The following IPMK variants were observed in gnomAD, a reference collection of about 807,000 sequenced individuals.
The protein encoded by IPMK is inositol polyphosphate multikinase, also known as inositol 1,3,4,6-tetrakisphosphate 5-kinase.
In IPMK, 17 loss-of-function variants were observed where a neutral mutation model predicts 45.8. The observed-to-expected ratio is 0.37, with a 90% CI of 0.25 to 0.56. IPMK has a LOEUF of 0.56. Among genes scored for constraint, IPMK ranks in the 20% least tolerant of loss-of-function variants. IPMK has a pLI of 0.79. For synonymous variants in IPMK, 180 were observed against 184.3 expected (o/e 0.98, Z 0.19); for missense variants, 399 against 498.0 (o/e 0.80, Z 1.89).
rs142924919 is a variant in IPMK at position 58,229,605 on chromosome 10, A to T, written c.277-2466T>A. On this transcript the variant is annotated intron_variant, in intron 2 of 5. Coordinates refer to ENST00000373935, the MANE Select transcript of IPMK (RefSeq NM_152230.5). ...AGTAATCTAAATATATTGTACTATC[A>T]CATTAACAAATAAAATAAAAATCTG... 6.0e-3 allele frequency among the ~76,000 whole-genome samples: 908 copies of T among 151,230 alleles called. 12 individuals carry two copies. Among genetic ancestry groups the T allele is most frequent in the African/African-American group, 0.021 (866 of 41,084 alleles).
chr10:58,231,208 T>C (rs1396404205), intron 2 of IPMK, among the ~76,000 whole-genome samples: 4 of 152,214 alleles, frequency 2.6e-5, no homozygotes, highest in African/African-American at 9.6e-5. Context: ...TTGACTGGTA[T>C]ACCTGGAAGC....
Position 58,196,169 on chromosome 10 carries a change from A to G in IPMK, c.1158T>C (p.Phe386=). 6.2e-7 allele frequency: 1 copy of G among 1,614,102 alleles called. No individual in the cohort carries two copies. The highest frequency in any genetic ancestry group is 2.2e-5 in the East Asian group (1 of 44,864). ...TTGTGTTGCTAGGGAACACATGAGC[A>G]AAATCTATCATTCGCACTTCTACTT... The part of the protein sequence containing the change: ...IAEVEVRMID[F]AHVFPSNTID... Residue 386 remains phenylalanine (F), a synonymous_variant, in exon 6 of 6, where the codon TTT becomes TTC. Transcript: ENST00000373935.
At chr10:58,228,199 C>T (rs888509527) in intron 2 of IPMK, among the ~76,000 whole-genome samples, 8 of 152,138 alleles carry the variant, frequency 5.3e-5, no homozygotes, top group African/African-American at 1.9e-4. Flanking sequence ...TGAGGATGAG[C>T]TAATTACAAG....
At chr10:58,259,712 T>C (rs1316341927) in intron 1 of IPMK, among the ~76,000 whole-genome samples, 1 of 129,564 alleles carries the variant, frequency 7.7e-6, no homozygotes, top group Non-Finnish European at 1.6e-5. Flanking sequence ...TGGTGGTGCA[T>C]GCCTATAGTC....
intron 4 of IPMK, among the ~76,000 whole-genome samples, chr10:58,214,076 A>T (rs1053157903): frequency 1.1e-4 from 16 of 152,348 alleles, no homozygotes; most frequent in African/African-American, 3.6e-4. Context: ...TTTTTTAAAA[A>T]ACTTGACAGT....
At chr10:58,240,006 A>G (rs1473551480) in intron 1 of IPMK, among the ~76,000 whole-genome samples, 1 of 152,234 alleles carries the variant, frequency 6.6e-6, no homozygotes, top group Non-Finnish European at 1.5e-5. Flanking sequence ...GATTCAAGAA[A>G]AAATTATGAC....
chr10:58,206,782 C>T (rs1464385017), intron 4 of IPMK, among the ~76,000 whole-genome samples: 3 of 151,990 alleles, frequency 2.0e-5, no homozygotes, highest in Non-Finnish European at 4.4e-5. Flanking sequence ...CACCTGCATC[C>T]CACCCTTCCT....
Position 58,195,866 on chromosome 10 carries a change from GTTTC to G in IPMK, c.*206_*209del, listed in dbSNP as rs1747562028. ...CACATTCCCTGCTTAACATTCCTAA[GTTTC>G]TTTATTCTTCATAGTTTTCTAATGA... On this transcript the variant is annotated 3_prime_UTR_variant, in exon 6 of 6. Transcript: ENST00000373935. 3.9e-6 allele frequency: 2 copies of G among 515,642 alleles called. No homozygotes were observed. The highest frequency in any genetic ancestry group is 6.1e-5 in the South Asian group (2 of 33,014). The allele number at this position is 515,642 out of a possible 1,614,324, so 31.9% of individuals were successfully genotyped here. A position where few individuals can be genotyped will look rare whatever the true frequency, so the allele number is the denominator to read the frequency against.
Position 58,197,326 on chromosome 10 carries a change from A to AATACATACATACATAC in IPMK, c.629-629_629-628insGTATGTATGTATGTAT, listed in dbSNP as rs1554822222. ...AAATAAATAAATAAATAAATAAATA[A>AATACATACATACATAC]ATACATAAATACATAAACACATAAA... On this transcript the variant is annotated intron_variant, in intron 5 of 5. Transcript: ENST00000373935. Among the ~76,000 whole-genome samples the AATACATACATACATAC allele has an allele frequency of 1.6e-4, 23 of 146,512 alleles. 1 individual carries two copies. The highest frequency in any genetic ancestry group is 5.5e-4 in the African/African-American group (21 of 38,000).
At chr10:58,262,327 G>C (rs1839085369) in intron 1 of IPMK, among the ~76,000 whole-genome samples, 1 of 152,266 alleles carries the variant, frequency 6.6e-6, no homozygotes, top group South Asian at 2.1e-4. Context: ...TCTGAAAATT[G>C]TAAGATTAAG....
chr10:58,227,384 T>TGTAA (rs1227581233), intron 2 of IPMK, among the ~76,000 whole-genome samples: 1 of 152,240 alleles, frequency 6.6e-6, no homozygotes, highest in Admixed American at 6.5e-5. Flanking sequence ...CTTTGTAAGT[T>TGTAA]ATAGATACTG....
chr10:58,243,046 G>C (rs1035691990), intron 1 of IPMK, among the ~76,000 whole-genome samples: 1 of 152,118 alleles, frequency 6.6e-6, no homozygotes, highest in Admixed American at 6.6e-5. Flanking sequence ...CAGTCTGTGG[G>C]ACTGAGTCAA....
At chr10:58,235,493 A>G (rs1163623453) in intron 2 of IPMK, among the ~76,000 whole-genome samples, 2 of 152,236 alleles carry the variant, frequency 1.3e-5, no homozygotes, top group Non-Finnish European at 2.9e-5. Context: ...GCCATAAAAA[A>G]GAATGAGTTC....
At chr10:58,235,932 C>CTTT (rs559370490) in intron 2 of IPMK, among the ~76,000 whole-genome samples, 1 of 142,966 alleles carries the variant, frequency 7.0e-6, no homozygotes, top group Non-Finnish European at 1.5e-5. Context: ...TCTTAAAGAA[C>CTTT]TTTTTTTTTT....
rs1837963584 is a variant in IPMK, at chr10:58,199,328, A to G, written c.547-7T>C. On this transcript the variant is annotated splice_region_variant and splice_polypyrimidine_tract_variant and intron_variant, in intron 4 of 5. Coordinates refer to ENST00000373935, the MANE Select transcript of IPMK (RefSeq NM_152230.5). ...CGGAATGAACATGATAAACCTGTCA[A>G]AAAAAGCAGTGAATATTAAAAAGCT... 6.3e-7 allele frequency: 1 copy of G among 1,589,454 alleles called. No individual in the cohort carries two copies. Among genetic ancestry groups the G allele is most frequent in the Non-Finnish European group, 8.6e-7 (1 of 1,165,768 alleles).
chr10:58,237,329 T>G (rs1838628807), intron 2 of IPMK, among the ~76,000 whole-genome samples: 1 of 152,184 alleles, frequency 6.6e-6, no homozygotes, highest in South Asian at 2.1e-4. Context: ...AACCATTCTC[T>G]CCACTTCAGG....
rs186540116 is a variant in IPMK, at chr10:58,265,801, A to G, written c.190+1621T>C. Among the ~76,000 whole-genome samples, 28 of 152,310 alleles carry G rather than the reference A, an allele frequency of 1.8e-4. No individual in the cohort carries two copies. In the East Asian group the frequency reaches 5.0e-3, roughly 27 times the overall value. ...CAGCCACTATTTGCAATCACTCTGA[A>G]TGGGATCACTATTACATACTGTAAT... On this transcript the variant is annotated intron_variant, in intron 1 of 5. Coordinates refer to ENST00000373935, the MANE Select transcript of IPMK (RefSeq NM_152230.5).
At chr10:58,226,684 GGGA>G (rs1310906718) in intron 3 of IPMK, among the ~76,000 whole-genome samples, 1 of 152,112 alleles carries the variant, frequency 6.6e-6, no homozygotes, top group Non-Finnish European at 1.5e-5. Flanking sequence ...ATAAGAGACT[GGGA>G]GGAAGTCATG....
chr10:58,210,120 G>A (rs1475151531), intron 4 of IPMK, among the ~76,000 whole-genome samples: 1 of 152,112 alleles, frequency 6.6e-6, no homozygotes, highest in Non-Finnish European at 1.5e-5. Flanking sequence ...TGTGGGGGAT[G>A]GGGGGTGGTT....
Sources: allele counts gnomAD v4.1 joint callset (sites outside exome capture counted in the v4.1 genomes callset), GRCh38; gene constraint gnomAD v4.1.1; transcripts MANE v1.5; gene names NCBI Gene and HGNC (gene_info 2026-07-23, HGNC 2026-07-21).